Variants in FGF13 observed in about 807,000 individuals in gnomAD.
The protein encoded by FGF13 is fibroblast growth factor homologous factor 2.
In FGF13, 2 loss-of-function variants were observed where a neutral mutation model predicts 19.5. The observed-to-expected ratio is 0.10, with a 90% CI of 0.04 to 0.32. The LOEUF is 0.32. FGF13 is among the 10% of genes least tolerant of loss of function. The pLI is 1.00. For synonymous variants in FGF13, 72 were observed against 76.9 expected (o/e 0.94, Z 0.33); for missense variants, 113 against 192.7 (o/e 0.59, Z 2.45).
chrX:138,748,707 A>T (rs2090374496), intron 3 of FGF13, among the ~76,000 whole-genome samples: 1 of 111,824 alleles, frequency 8.9e-6, no homozygotes, highest in Non-Finnish European at 1.9e-5. Flanking sequence ...ACAAAACTAT[A>T]TAATGCTTGG....
chrX:138,972,503 C>G (rs1292082386), intron 1 of FGF13, among the ~76,000 whole-genome samples: 1 of 108,254 alleles, frequency 9.2e-6, no homozygotes, highest in Non-Finnish European at 1.9e-5. Flanking sequence ...ACTACAGGCG[C>G]CGGCCACCAT....
At chrX:138,746,557 C>T (rs1194946081) in intron 3 of FGF13, among the ~76,000 whole-genome samples, 1 of 111,955 alleles carries the variant, frequency 8.9e-6, no homozygotes, top group African/African-American at 3.2e-5. Context: ...ATGGACCTCA[C>T]CACCTCCCTA....
At chrX:138,832,362 G>A (rs1001957697) in intron 3 of FGF13, among the ~76,000 whole-genome samples, 4 of 111,884 alleles carry the variant, frequency 3.6e-5, no homozygotes, top group Non-Finnish European at 7.5e-5. Flanking sequence ...TCTGACTGGT[G>A]TGACATGGTA....
intron 1 of FGF13, among the ~76,000 whole-genome samples, chrX:138,916,949 G>A (rs1194053813): frequency 9.0e-6 from 1 of 111,715 alleles, no homozygotes; most frequent in Non-Finnish European, 1.9e-5. Context: ...TGGATGGAGG[G>A]AGCACGAGTG....
intron 1 of FGF13, among the ~76,000 whole-genome samples, chrX:139,029,450 T>C (rs977957849): frequency 3.6e-5 from 4 of 112,328 alleles, no homozygotes; most frequent in African/African-American, 1.3e-4. Flanking sequence ...TTTACTGCCC[T>C]ATCCAGATCT....
chrX:139,161,338 A>C (rs924219615), intron 1 of FGF13, among the ~76,000 whole-genome samples: 5 of 111,989 alleles, frequency 4.5e-5, no homozygotes, highest in African/African-American at 6.5e-5. Context: ...TTGATGGAAC[A>C]TATCTCAAAA....
At chrX:139,109,450 A>G (rs2083585575) in intron 1 of FGF13, among the ~76,000 whole-genome samples, 1 of 111,850 alleles carries the variant, frequency 8.9e-6, no homozygotes, top group Non-Finnish European at 1.9e-5. Context: ...GAAAAAGAAG[A>G]CATGGCAGGA....
chrX:138,758,521 T>G (rs2090445683), intron 3 of FGF13, among the ~76,000 whole-genome samples: 1 of 110,688 alleles, frequency 9.0e-6, no homozygotes, highest in Non-Finnish European at 1.9e-5. Flanking sequence ...CTGCTCTGGA[T>G]CTTCGACCCT....
chrX:139,181,825 G>A (rs2084241083), intron 1 of FGF13, among the ~76,000 whole-genome samples: 1 of 111,948 alleles, frequency 8.9e-6, no homozygotes, highest in Admixed American at 9.5e-5. Context: ...GAGAAGGGTG[G>A]AGAAGGTGGA....
At chrX:138,836,553 T>C (rs956873085) in intron 3 of FGF13, among the ~76,000 whole-genome samples, 2 of 112,049 alleles carry the variant, frequency 1.8e-5, no homozygotes, top group Non-Finnish European at 3.8e-5. Flanking sequence ...GTTATGTTCT[T>C]CTCTATACTA....
At chrX:138,833,716 G>A (rs916071106) in intron 3 of FGF13, among the ~76,000 whole-genome samples, 1 of 111,837 alleles carries the variant, frequency 8.9e-6, no homozygotes, top group Non-Finnish European at 1.9e-5. Context: ...TTGTGACAGA[G>A]GGCATCCTTG....
At chrX:139,168,900 T>C (rs57733017) in intron 1 of FGF13, among the ~76,000 whole-genome samples, 1,680 of 112,396 alleles carry the variant, frequency 0.015, 25 homozygotes, top group African/African-American at 0.051. Context: ...CTGAGAGGCA[T>C]TCTTTCTTAG....
chrX:138,746,342 T>C (rs926295297), intron 3 of FGF13, among the ~76,000 whole-genome samples: 10 of 110,240 alleles, frequency 9.1e-5, no homozygotes, highest in African/African-American at 3.3e-4. Context: ...GTGATGAGGA[T>C]CTAAGTTAGC....
At chrX:138,877,403 A>T (rs757894633) in intron 1 of FGF13, among the ~76,000 whole-genome samples, 2 of 112,200 alleles carry the variant, frequency 1.8e-5, no homozygotes, top group East Asian at 5.6e-4. Flanking sequence ...CTTTTGAATA[A>T]CTTTATTTTT....
chrX:139,104,655 G>A (rs2083544846), intron 1 of FGF13, among the ~76,000 whole-genome samples: 1 of 111,564 alleles, frequency 9.0e-6, no homozygotes, highest in African/African-American at 3.3e-5. Context: ...GCTTGAAGAC[G>A]AAGATCAGGG....
intron 1 of FGF13, among the ~76,000 whole-genome samples, chrX:139,069,525 C>G (rs377365567): frequency 2.1e-5 from 2 of 93,310 alleles, no homozygotes; most frequent in Non-Finnish European, 4.2e-5. Context: ...ATGACGAGTT[C>G]GTGGGTGCAG....
At chrX:138,838,126 C>T (rs945465915) in intron 3 of FGF13, among the ~76,000 whole-genome samples, 1 of 111,792 alleles carries the variant, frequency 8.9e-6, no homozygotes, top group Admixed American at 9.5e-5. Context: ...AAAGCTTTGT[C>T]CCAGGTAGGT....
At chrX:139,080,650 T>C (rs922285250) in intron 1 of FGF13, among the ~76,000 whole-genome samples, 1 of 111,995 alleles carries the variant, frequency 8.9e-6, no homozygotes, top group African/African-American at 3.2e-5. Context: ...TCATTTAAAC[T>C]GAAGGCCTCA....
intron 3 of FGF13, among the ~76,000 whole-genome samples, chrX:138,787,142 A>G (rs754306631): frequency 1.8e-5 from 2 of 112,714 alleles, no homozygotes; most frequent in South Asian, 7.3e-4. Flanking sequence ...CTTCCTCATT[A>G]TCTGCACTGT....
Sources: gnomAD v4.1 joint callset for allele counts (sites outside exome capture counted in the v4.1 genomes callset) on GRCh38, gnomAD v4.1.1 for gene constraint, MANE v1.5 for transcripts, NCBI Gene and HGNC (gene_info 2026-07-23, HGNC 2026-07-21) for gene names.